Variants in GRM3 observed in about 807,000 individuals in gnomAD.
GRM3 encodes the protein glutamate metabotropic receptor 3.
A neutral mutation model predicts 70.5 loss-of-function variants in GRM3; 26 were observed. The observed-to-expected ratio is 0.37, with a 90% CI of 0.27 to 0.51. The LOEUF (loss-of-function observed/expected upper bound fraction) is 0.51, where lower values mean the gene tolerates loss of function less well. Ranked by LOEUF, GRM3 falls within the 20% of genes least tolerant of loss-of-function variation. The pLI is 0.93. For missense variants in GRM3, 859 were observed against 1,123.8 expected (o/e 0.76, Z 3.37); for synonymous variants, 443 against 434.9 (o/e 1.02, Z -0.23).
At chr7:86,769,061 CT>C (rs1160334228) in intron 2 of GRM3, among the ~76,000 whole-genome samples, 1 of 152,032 alleles carries the variant, frequency 6.6e-6, no homozygotes, top group African/African-American at 2.4e-5. Context: ...ATTTAAGGCC[CT>C]CTTTTACACT....
At chr7:86,681,569 C>A (rs940179693) in intron 1 of GRM3, among the ~76,000 whole-genome samples, 24 of 152,064 alleles carry the variant, frequency 1.6e-4, no homozygotes, top group African/African-American at 5.5e-4. Flanking sequence ...ACTTTGGTGG[C>A]TGGGGGGTGA....
At chr7:86,678,077 A>G (rs1038340319) in intron 1 of GRM3, among the ~76,000 whole-genome samples, 1 of 152,058 alleles carries the variant, frequency 6.6e-6, no homozygotes, top group Non-Finnish European at 1.5e-5. Flanking sequence ...GTAAAACTTA[A>G]GGATAGAAAT....
chr7:86,781,417 CT>C (rs1797056704), intron 2 of GRM3, among the ~76,000 whole-genome samples: 3 of 152,170 alleles, frequency 2.0e-5, no homozygotes, highest in African/African-American at 7.2e-5. Flanking sequence ...ACTTGCTGAA[CT>C]GCAATATTGA....
rs190550656 is a variant in GRM3, at chr7:86,788,517, A to G, written c.1324+1401A>G. On this transcript the variant is annotated intron_variant, in intron 3 of 5. Coordinates refer to ENST00000361669, the MANE Select transcript of GRM3 (RefSeq NM_000840.3). Reference sequence around the variant, plus strand: ...ATGACTACTAAAACTGGTAAAGATTAAACTTTTTCTGTGCCCTGTATTCCC... The same window carrying G: ...ATGACTACTAAAACTGGTAAAGATTGAACTTTTTCTGTGCCCTGTATTCCC... Among the ~76,000 whole-genome samples the G allele has an allele frequency of 2.0e-5, 3 of 152,366 alleles. No individual in the cohort carries two copies. In the East Asian group the frequency reaches 5.8e-4, roughly 29 times the overall value.
intron 1 of GRM3, among the ~76,000 whole-genome samples, chr7:86,737,599 C>T (rs901149941): frequency 6.6e-6 from 1 of 152,104 alleles, no homozygotes; most frequent in African/African-American, 2.4e-5. Context: ...CATTAAATAC[C>T]TATTTTCTCA....
chr7:86,701,496 T>A (rs1794945546), intron 1 of GRM3, among the ~76,000 whole-genome samples: 1 of 151,986 alleles, frequency 6.6e-6, no homozygotes, highest in Non-Finnish European at 1.5e-5. Context: ...CATTATACAA[T>A]GTTGCTAAAA....
rs1793390195 is a variant in GRM3 at position 86,643,923 on chromosome 7, A to T, written c.-1090A>T. 6.6e-6 allele frequency: 1 copy of T among 152,386 alleles called. No individual in the cohort carries two copies. Among genetic ancestry groups the T allele is most frequent in the African/African-American group, 2.4e-5 (1 of 41,422 alleles). The allele number at this position is 152,386 out of a possible 1,614,324, so 9.4% of individuals were successfully genotyped here. On this transcript the variant is annotated 5_prime_UTR_variant, in exon 1 of 6. Coordinates refer to ENST00000361669, the MANE Select transcript of GRM3 (RefSeq NM_000840.3). ...TCCAGGGGCTCGCAGTGTGCAGTTG[A>T]GTCGCGAGTACGGCTGAGCTGCGTA...
intron 1 of GRM3, among the ~76,000 whole-genome samples, chr7:86,658,582 T>A (rs985096820): frequency 5.3e-5 from 8 of 152,296 alleles, no homozygotes; most frequent in African/African-American, 1.9e-4. Context: ...CTCTCCCCAC[T>A]GTAGTCTATA....
At chr7:86,771,527 G>T (rs752410834) in intron 2 of GRM3, among the ~76,000 whole-genome samples, 3 of 151,972 alleles carry the variant, frequency 2.0e-5, no homozygotes, top group Admixed American at 6.6e-5. Flanking sequence ...TATACAGTAG[G>T]CACAGCAAGA....
At chr7:86,845,757 C>T (rs1798643214) in intron 4 of GRM3, among the ~76,000 whole-genome samples, 1 of 152,178 alleles carries the variant, frequency 6.6e-6, no homozygotes, top group Non-Finnish European at 1.5e-5. Flanking sequence ...GTTTTAAGCA[C>T]TCAGCAGCTA....
At chr7:86,697,899 T>G (rs1370829468) in intron 1 of GRM3, among the ~76,000 whole-genome samples, 1 of 152,254 alleles carries the variant, frequency 6.6e-6, no homozygotes, top group African/African-American at 2.4e-5. Context: ...ACTTGAACTC[T>G]TTTAGCTACT....
chr7:86,685,365 A>G (rs1416983106), intron 1 of GRM3, among the ~76,000 whole-genome samples: 1 of 152,220 alleles, frequency 6.6e-6, no homozygotes. Flanking sequence ...GAAACAAAAT[A>G]AGTCTATGTA....
At position 86,711,479 on chromosome 7, in the gene GRM3, C is replaced by A. The variant is rs57405302; in HGVS notation, c.-140-53527C>A. 4.4e-3 allele frequency among the ~76,000 whole-genome samples: 669 copies of A among 151,842 alleles called. 2 individuals are homozygous for A. The highest frequency in any genetic ancestry group is 0.015 in the African/African-American group (635 of 41,430). On this transcript the variant is annotated intron_variant, in intron 1 of 5. Transcript: ENST00000361669. ...TTATATACTTTTCCAGAATAAATTC[C>A]TTCATCATTTCCTTTTTACTTTCTC...
chr7:86,670,295 CTCAG>C (rs1794138560), intron 1 of GRM3, among the ~76,000 whole-genome samples: 1 of 152,194 alleles, frequency 6.6e-6, no homozygotes, highest in Non-Finnish European at 1.5e-5. Flanking sequence ...TCAAGATAAA[CTCAG>C]TCAGGAATCT....
intron 5 of GRM3, among the ~76,000 whole-genome samples, chr7:86,851,169 C>G (rs1798748217): frequency 6.6e-6 from 1 of 152,088 alleles, no homozygotes; most frequent in Non-Finnish European, 1.5e-5. Context: ...TATTTTATCA[C>G]AGTAAAACTA....
chr7:86,759,772 C>T (rs567829147), intron 1 of GRM3, among the ~76,000 whole-genome samples: 6 of 152,188 alleles, frequency 3.9e-5, no homozygotes, highest in South Asian at 4.1e-4. Flanking sequence ...GGTAGATCTA[C>T]TAAAAATGAT....
At chr7:86,711,168 TTTAATTTA>T (rs1562834186) in intron 1 of GRM3, among the ~76,000 whole-genome samples, 2 of 151,592 alleles carry the variant, frequency 1.3e-5, no homozygotes, top group African/African-American at 4.8e-5. Context: ...TCTAATTTAA[TTTAATTTA>T]ATTTAATTTT....
Position 86,747,786 on chromosome 7 carries a change from A to G in GRM3, c.-140-17220A>G, listed in dbSNP as rs566497775. 9.2e-5 allele frequency among the ~76,000 whole-genome samples: 14 copies of G among 152,266 alleles called. 1 individual carries two copies. Among genetic ancestry groups the G allele is most frequent in the African/African-American group, 3.4e-4 (14 of 41,566 alleles). On this transcript the variant is annotated intron_variant, in intron 1 of 5. Coordinates refer to ENST00000361669, the MANE Select transcript of GRM3 (RefSeq NM_000840.3). ...TTAATGATTTCTTCAAGAACATAAC[A>G]CAGTCCAATAAACATGGAGTTGTTC...
intron 5 of GRM3, among the ~76,000 whole-genome samples, chr7:86,855,593 A>T (rs1288394586): frequency 6.6e-6 from 1 of 152,214 alleles, no homozygotes; most frequent in Non-Finnish European, 1.5e-5. Context: ...GTAATGTGTG[A>T]ACTGTTCAAT....
Sources: gnomAD v4.1 joint callset for allele counts (sites outside exome capture counted in the v4.1 genomes callset) on GRCh38, gnomAD v4.1.1 for gene constraint, MANE v1.5 for transcripts, NCBI Gene and HGNC (gene_info 2026-07-23, HGNC 2026-07-21) for gene names.